DCPS: variants seen among roughly 807,000 people sequenced by gnomAD.
DCPS encodes decapping enzyme, scavenger.
DCPS carries 27 observed loss-of-function variants against 34.7 expected under a neutral mutation model. That is an observed-to-expected ratio of 0.78 (90% confidence interval 0.57 to 1.07). DCPS has a LOEUF of 1.07. Among genes scored for constraint, DCPS ranks in the 50% least tolerant of loss-of-function variants. The pLI is 0.00. For synonymous variants in DCPS, 185 were observed against 185.7 expected, an observed-to-expected ratio of 1.00 and a Z score of 0.03; for missense variants, 464 against 436.9, an observed-to-expected ratio of 1.06 and a Z score of -0.55.
intron 2 of DCPS, among the ~76,000 whole-genome samples, chr11:126,308,353 G>T (rs1951590754): frequency 6.6e-6 from 1 of 152,178 alleles, no homozygotes; most frequent in Non-Finnish European, 1.5e-5. Context: ...TGGCTTTGCA[G>T]ATATCTTGCC....
At chr11:126,321,546 A>C (rs187667557) in intron 2 of DCPS, among the ~76,000 whole-genome samples, 51 of 152,310 alleles carry the variant, frequency 3.3e-4, no homozygotes, top group African/African-American at 1.2e-3. Flanking sequence ...TCCCTAATAC[A>C]AAAGAACAGC....
intron 2 of DCPS, among the ~76,000 whole-genome samples, chr11:126,316,972 T>G (rs947476676): frequency 5.5e-5 from 8 of 146,784 alleles, no homozygotes; most frequent in African/African-American, 1.0e-4. Context: ...TTTTTTTTTT[T>G]TTTTGAGATG....
In DCPS at chr11:126,328,777, C is replaced by G. The variant is rs1003339713; in HGVS notation, c.377-2628C>G. 6.6e-6 allele frequency among the ~76,000 whole-genome samples: 1 copy of G among 152,198 alleles called. No homozygotes were observed. The highest frequency in any genetic ancestry group is 1.5e-5 in the Non-Finnish European group (1 of 68,024). ...CACTGCCCAACCCAGGCAACGGAGG[C>G]AACAGCGGAGAGAATCCAAGCTAGC... On this transcript the variant is annotated intron_variant, in intron 2 of 5. Transcript: ENST00000263579. This position sits in a 1 kb window ranked among gnomAD's most constrained non-coding sequence, Gnocchi z 6.6.
intron 2 of DCPS, among the ~76,000 whole-genome samples, chr11:126,330,005 A>G (rs1301757319): frequency 6.6e-6 from 1 of 152,110 alleles, no homozygotes. Context: ...CTATGTTAAA[A>G]CACAATGTAT....
At chr11:126,343,624 C>T (rs1333202377) in intron 5 of DCPS, among the ~76,000 whole-genome samples, 4 of 152,162 alleles carry the variant, frequency 2.6e-5, no homozygotes, top group Admixed American at 6.5e-5. Flanking sequence ...CACCCTCACA[C>T]GCCTTCCTCG....
Position 126,304,156 on chromosome 11 carries a change from G to A in DCPS, c.76G>A (p.Glu26Lys). Residue 26 changes from glutamate (E) to lysine (K), a missense_variant, in exon 1 of 6, where the codon GAG (glutamate) becomes AAG (lysine). Physicochemically the swap from Glu to Lys is moderately conservative, Grantham distance 56. Transcript: ENST00000263579. The part of the protein sequence containing the change: ...DVEEAHAAST[E>K]EKEAGVGNGT... The stretch of plus-strand genomic sequence containing the variant: ...GGAGGAGGCCCACGCCGCCAGCACA[G>A]AGGAAAAGGAGGCAGGAGTTGGAAA... 2 of 1,614,254 alleles carry A rather than the reference G, an allele frequency of 1.2e-6. No individual in the cohort carries two copies. Among genetic ancestry groups the A allele is most frequent in the African/African-American group, 1.3e-5 (1 of 75,080 alleles).
chr11:126,309,559 T>G (rs551484776), intron 2 of DCPS, among the ~76,000 whole-genome samples: 3 of 152,210 alleles, frequency 2.0e-5, no homozygotes, highest in Non-Finnish European at 4.4e-5. Context: ...AGACGCAATG[T>G]CCTTCTTTTT....
rs1311738515 is a variant in DCPS at position 126,337,953 on chromosome 11, A to G, written c.523-333A>G. On this transcript the variant is annotated intron_variant, in intron 3 of 5. Transcript: ENST00000263579. The surrounding 1 kb of genome is among the most constrained non-coding windows in gnomAD (Gnocchi z 5.3). ...GAGCGGTGGAGGGGGTCACTGCTATAGAGGGCAGACACAGCCTGGGTTTGG... is the reference window on the plus strand; with the variant it reads ...GAGCGGTGGAGGGGGTCACTGCTATGGAGGGCAGACACAGCCTGGGTTTGG... The G allele has an allele frequency of 3.3e-6, 1 of 306,488 alleles. No individual in the cohort carries two copies. Among genetic ancestry groups the G allele is most frequent in the African/African-American group, 2.1e-5 (1 of 47,120 alleles). The allele number at this position is 306,488 out of a possible 1,614,324, so 19.0% of individuals were successfully genotyped here.
rs545155048 is a variant in DCPS at position 126,323,789 on chromosome 11, T to G, written c.377-7616T>G. Among the ~76,000 whole-genome samples the G allele has an allele frequency of 6.6e-6, 1 of 152,302 alleles. No homozygotes were observed. The highest frequency in any genetic ancestry group is 6.5e-5 in the Admixed American group (1 of 15,296). ...CCTGGGCTCAGGTGATCCAAAGTGCTAGGATTATAGGCATGAGCCACCAAA... is the reference window on the plus strand; with the variant it reads ...CCTGGGCTCAGGTGATCCAAAGTGCGAGGATTATAGGCATGAGCCACCAAA... On this transcript the variant is annotated intron_variant, in intron 2 of 5. Transcript: ENST00000263579. This position sits in a 1 kb window ranked among gnomAD's most constrained non-coding sequence, Gnocchi z 4.4.
chr11:126,338,786 C>T lies in DCPS; in HGVS notation c.636+387C>T, dbSNP rs1951854892. Among the ~76,000 whole-genome samples the T allele has an allele frequency of 6.6e-6, 1 of 152,208 alleles. No homozygotes were observed. Among genetic ancestry groups the T allele is most frequent in the South Asian group, 2.1e-4 (1 of 4,838 alleles). ...CTTGACACCAGCAGATCCAGGCAGG[C>T]CCGTGTTCTGAAGCACTGGCAGGCA... On this transcript the variant is annotated intron_variant, in intron 4 of 5. Coordinates refer to ENST00000263579, the MANE Select transcript of DCPS (RefSeq NM_014026.6). The surrounding 1 kb of genome is among the most constrained non-coding windows in gnomAD (Gnocchi z 5.4).
chr11:126,304,363 T>G, intron 1 of DCPS, 82 bp downstream of exon 1: 6 of 1,508,654 alleles, frequency 4.0e-6, no homozygotes, highest in South Asian at 1.2e-5. Context: ...TTTTTTCGGA[T>G]CTCGGCTGGA....
intron 2 of DCPS, among the ~76,000 whole-genome samples, chr11:126,318,796 C>G (rs1396120430): frequency 1.3e-5 from 2 of 152,212 alleles, no homozygotes; most frequent in Admixed American, 6.5e-5. Flanking sequence ...TAGAAGCCAT[C>G]AGCAACGGCT....
Position 126,343,389 on chromosome 11 carries a change from T to C in DCPS, c.719T>C (p.Leu240Pro). 1 of 1,613,918 alleles carries C rather than the reference T, an allele frequency of 6.2e-7. No individual in the cohort carries two copies. The highest frequency in any genetic ancestry group is 8.5e-7 in the Non-Finnish European group (1 of 1,179,926). ...GACCTTACTCCGGAGCACTTGCCGC[T>C]GCTCAGGAACATCCTCCACCAGGGG... ...LRDLTPEHLP[L>P]LRNILHQGQE... The change falls in exon 5 of 6, where the codon CTG (leucine) becomes CCG (proline). Residue 240 changes from leucine to proline, a missense_variant. By Grantham distance (98) the Leu-to-Pro change is moderately conservative. Transcript: ENST00000263579.
In DCPS at chr11:126,313,265, C is replaced by T. The variant is rs1238198129; in HGVS notation, c.376+6521C>T. On this transcript the variant is annotated intron_variant, in intron 2 of 5. Transcript: ENST00000263579. The surrounding 1 kb of genome is among the most constrained non-coding windows in gnomAD (Gnocchi z 4.9). ...CGTTTCTCTGGTTGCAGGGAACTCCCGGTACTGTAGCCACAGGCCAGGGTT... is the reference window on the plus strand; with the variant it reads ...CGTTTCTCTGGTTGCAGGGAACTCCTGGTACTGTAGCCACAGGCCAGGGTT... Among the ~76,000 whole-genome samples, 5 of 152,140 alleles carry T rather than the reference C, an allele frequency of 3.3e-5. 1 individual carries two copies. Among genetic ancestry groups the T allele is most frequent in the South Asian group, 4.1e-4 (2 of 4,836 alleles).
rs7115672 is a variant in DCPS, at chr11:126,338,483, T to C, written c.636+84T>C. 0.097 allele frequency: 121,715 copies of C among 1,257,568 alleles called. 6,878 individuals carry two copies. Among genetic ancestry groups the C allele is most frequent in the African/African-American group, 0.22 (15,208 of 67,882 alleles). The allele number at this position is 1,257,568 out of a possible 1,614,324, so 77.9% of individuals were successfully genotyped here. A position where few individuals can be genotyped will look rare whatever the true frequency, so the allele number is the denominator to read the frequency against. On this transcript the variant is annotated intron_variant, in intron 4 of 5. Transcript: ENST00000263579. The surrounding 1 kb of genome is among the most constrained non-coding windows in gnomAD (Gnocchi z 5.4). Reference sequence around the variant, plus strand: ...CTTCTGACTGCCCTCTTTCTCACGCTGGCCTGTCTCTAAGCAGATTATAAT... The same window carrying C: ...CTTCTGACTGCCCTCTTTCTCACGCCGGCCTGTCTCTAAGCAGATTATAAT...
In DCPS at chr11:126,315,347, G is replaced by A. The variant is rs567483866; in HGVS notation, c.376+8603G>A. 6.6e-6 allele frequency among the ~76,000 whole-genome samples: 1 copy of A among 152,162 alleles called. No individual in the cohort carries two copies. Among genetic ancestry groups the A allele is most frequent in the South Asian group, 2.1e-4 (1 of 4,824 alleles). On this transcript the variant is annotated intron_variant, in intron 2 of 5. Transcript: ENST00000263579. The surrounding 1 kb of genome is among the most constrained non-coding windows in gnomAD (Gnocchi z 6.1). ...GGCCGAGGCAGGTGGATCATTTGAG[G>A]TCAGGAGTTCGAGACCAGCCTGGCC... is the stretch of plus-strand genomic sequence containing the variant.
Position 126,342,783 on chromosome 11 carries a change from G to A in DCPS, c.637-524G>A, listed in dbSNP as rs1423019976. On this transcript the variant is annotated intron_variant, in intron 4 of 5. Transcript: ENST00000263579. This position sits in a 1 kb window ranked among gnomAD's most constrained non-coding sequence, Gnocchi z 4.4. ...CTGCCCCGACAGCTCTGGGGAGTGA[G>A]CATATAGAACTCTCTGCTGGGCGCG... Among the ~76,000 whole-genome samples the A allele has an allele frequency of 6.6e-6, 1 of 152,078 alleles. No homozygotes were observed. Among genetic ancestry groups the A allele is most frequent in the African/African-American group, 2.4e-5 (1 of 41,396 alleles).
Position 126,334,266 on chromosome 11 carries a change from C to T in DCPS, c.522+2716C>T, listed in dbSNP as rs646358. 0.69 allele frequency among the ~76,000 whole-genome samples: 105,091 copies of T among 152,076 alleles called. 36,486 individuals are homozygous for T. Among genetic ancestry groups the T allele is most frequent in the East Asian group, 0.88 (4,551 of 5,182 alleles). On this transcript the variant is annotated intron_variant, in intron 3 of 5. Coordinates refer to ENST00000263579, the MANE Select transcript of DCPS (RefSeq NM_014026.6). The surrounding 1 kb of genome is among the most constrained non-coding windows in gnomAD (Gnocchi z 5.5). ...AAGACAGTGAGTTCAGTTTGGAATT[C>T]ATTGAGCACTTACTATGTATAGTCC...
At position 126,348,452 on chromosome 11, in the gene DCPS, G is replaced by C. The variant is rs1461274571; in HGVS notation, c.*2839G>C. On this transcript the variant is annotated 3_prime_UTR_variant, in exon 6 of 6. Coordinates refer to ENST00000263579, the MANE Select transcript of DCPS (RefSeq NM_014026.6). The surrounding 1 kb of genome is among the most constrained non-coding windows in gnomAD (Gnocchi z 5.3). Reference sequence around the variant, plus strand: ...AAGGGTTCCCCTTCAGAGCCAGCCAGTGCTCTGCTGCTGTAATCTCCAGGG... The same window carrying C: ...AAGGGTTCCCCTTCAGAGCCAGCCACTGCTCTGCTGCTGTAATCTCCAGGG... 6.6e-6 allele frequency among the ~76,000 whole-genome samples: 1 copy of C among 152,250 alleles called. No homozygotes were observed. Among genetic ancestry groups the C allele is most frequent in the East Asian group, 1.9e-4 (1 of 5,204 alleles).
Sources: allele counts gnomAD v4.1 joint callset (sites outside exome capture counted in the v4.1 genomes callset), GRCh38; gene constraint gnomAD v4.1.1; non-coding constraint Gnocchi (gnomAD v3.1); transcripts MANE v1.5; gene names NCBI Gene and HGNC (gene_info 2026-07-23, HGNC 2026-07-21).